Variants in DCC observed in about 807,000 individuals in gnomAD.
DCC encodes the protein DCC netrin 1 receptor.
DCC carries 58 observed loss-of-function variants against 172.5 expected under a neutral mutation model. The ratio of observed to expected loss-of-function variants is 0.34; its 90% CI spans 0.27 to 0.42. The LOEUF is 0.42. Among genes scored for constraint, DCC ranks in the 10% least tolerant of loss-of-function variants. DCC has a pLI of 1.00. For synonymous variants in DCC, 709 were observed against 644.5 expected, an observed-to-expected ratio of 1.10 and a Z score of -1.52; for missense variants, 1,740 against 1,791.0, an observed-to-expected ratio of 0.97 and a Z score of 0.51.
intron 2 of DCC, among the ~76,000 whole-genome samples, chr18:52,901,147 C>T (rs78577444): frequency 6.6e-5 from 10 of 152,008 alleles, no homozygotes; most frequent in Admixed American, 2.0e-4. Context: ...AAATAACCAT[C>T]ATGGGCTGTG....
At chr18:53,437,204 C>T (rs1464347386) in intron 22 of DCC, among the ~76,000 whole-genome samples, 2 of 152,056 alleles carry the variant, frequency 1.3e-5, no homozygotes, top group Non-Finnish European at 2.9e-5. Context: ...CATGACTGTC[C>T]CTGGTAGGTA....
Position 53,292,458 on chromosome 18 carries a change from G to A in DCC, c.1912-13120G>A, listed in dbSNP as rs531933654. ...TCCCAGCACTTTGGGAGGCCAAGGC[G>A]GGCAGATCACCTGAGGTCAGAAGTT... is the stretch of plus-strand genomic sequence containing the variant. On this transcript the variant is annotated intron_variant, in intron 12 of 28. Coordinates refer to ENST00000442544, the MANE Select transcript of DCC (RefSeq NM_005215.4). 1.1e-4 allele frequency among the ~76,000 whole-genome samples: 16 copies of A among 152,192 alleles called. No homozygotes were observed. In the East Asian group the frequency reaches 1.4e-3, roughly 13 times the overall value.
chr18:52,751,343 G>A (rs145647112), intron 1 of DCC, among the ~76,000 whole-genome samples: 154 of 152,212 alleles, frequency 1.0e-3, no homozygotes, highest in Non-Finnish European at 1.6e-3. Context: ...ATTCTTAAAT[G>A]AATTTCTATT....
intron 2 of DCC, among the ~76,000 whole-genome samples, chr18:52,817,705 C>T (rs2038327003): frequency 6.6e-6 from 1 of 151,672 alleles, no homozygotes; most frequent in Admixed American, 6.6e-5. Flanking sequence ...ACATAGACAC[C>T]CACATATTTC....
intron 1 of DCC, among the ~76,000 whole-genome samples, chr18:52,725,600 T>C (rs760880649): frequency 2.6e-5 from 4 of 152,110 alleles, no homozygotes; most frequent in South Asian, 2.1e-4. Context: ...AAATACCATG[T>C]CTTGGTTTGT....
In DCC at chr18:52,921,750, G is replaced by A. The variant is rs141911728; in HGVS notation, c.698-1957G>A. On this transcript the variant is annotated intron_variant, in intron 3 of 28. Coordinates refer to ENST00000442544, the MANE Select transcript of DCC (RefSeq NM_005215.4). ...ATATATATAAATGAAAGGAAAAAGT[G>A]TCCCTTCCATGGGTAAATTAGTAGC... Among the ~76,000 whole-genome samples, 649 of 150,714 alleles carry A rather than the reference G, an allele frequency of 4.3e-3. 8 individuals carry two copies. Among genetic ancestry groups the A allele is most frequent in the African/African-American group, 0.014 (582 of 41,216 alleles).
chr18:53,438,765 G>A (rs1018503681), intron 22 of DCC, among the ~76,000 whole-genome samples: 1 of 152,178 alleles, frequency 6.6e-6, no homozygotes, highest in African/African-American at 2.4e-5. Flanking sequence ...GATGTTAGAA[G>A]AAGAGAAAGA....
intron 7 of DCC, among the ~76,000 whole-genome samples, chr18:53,080,571 A>G (rs2042785872): frequency 1.3e-5 from 2 of 152,170 alleles, no homozygotes; most frequent in African/African-American, 4.8e-5. Context: ...CAAAATAGGC[A>G]AAACTAGTAG....
intron 7 of DCC, among the ~76,000 whole-genome samples, chr18:53,115,384 A>G (rs1439863743): frequency 6.6e-6 from 1 of 151,514 alleles, no homozygotes. Flanking sequence ...TGTTTTACCT[A>G]GCATATTAAA....
chr18:52,379,633 TG>T (rs779961654), intron 1 of DCC, among the ~76,000 whole-genome samples: 1 of 152,202 alleles, frequency 6.6e-6, no homozygotes, highest in Non-Finnish European at 1.5e-5. Context: ...TAGTAATTTT[TG>T]TTATTTTTCT....
At chr18:53,491,207 A>G (rs1340829974) in intron 26 of DCC, among the ~76,000 whole-genome samples, 2 of 152,174 alleles carry the variant, frequency 1.3e-5, no homozygotes, top group Admixed American at 1.3e-4. Flanking sequence ...GATGCTGATG[A>G]GGAGCAATGG....
chr18:52,616,265 AT>A (rs11366294), intron 1 of DCC, among the ~76,000 whole-genome samples: 9,178 of 150,178 alleles, frequency 0.061, 389 homozygotes, highest in South Asian at 0.15. Flanking sequence ...CTTTTGGTTA[AT>A]TTTTTTTTTC....
At chr18:53,223,659 G>C (rs187923264) in intron 12 of DCC, among the ~76,000 whole-genome samples, 56 of 152,204 alleles carry the variant, frequency 3.7e-4, no homozygotes, top group Non-Finnish European at 6.6e-4. Flanking sequence ...CCTACCAGTA[G>C]GTAAAAGCAG....
chr18:53,294,931 T>C (rs989423489), intron 12 of DCC, among the ~76,000 whole-genome samples: 7 of 152,192 alleles, frequency 4.6e-5, no homozygotes, highest in Non-Finnish European at 8.8e-5. Flanking sequence ...AATGTATTGA[T>C]GAAGAAATGT....
rs1037423371 is a variant in DCC, at chr18:52,849,401, A to AT, written c.413-56641dup. Among the ~76,000 whole-genome samples the AT allele has an allele frequency of 7.3e-4, 111 of 152,296 alleles. 1 individual carries two copies. Among genetic ancestry groups the AT allele is most frequent in the African/African-American group, 2.5e-3 (104 of 41,572 alleles). ...ACAAACCTTGCCAACAGTGGATGGA[A>AT]TTGATCAGTTTTGTTTCTCCTTCTC... On this transcript the variant is annotated intron_variant, in intron 2 of 28. Coordinates refer to ENST00000442544, the MANE Select transcript of DCC (RefSeq NM_005215.4).
intron 21 of DCC, among the ~76,000 whole-genome samples, chr18:53,425,126 A>G (rs1245251047): frequency 6.7e-6 from 1 of 149,808 alleles, no homozygotes; most frequent in African/African-American, 2.5e-5. Context: ...CTTTTTAACC[A>G]CTTCTGTTGT....
At chr18:52,889,438 C>T (rs562636017) in intron 2 of DCC, among the ~76,000 whole-genome samples, 1 of 152,034 alleles carries the variant, frequency 6.6e-6, no homozygotes, top group Non-Finnish European at 1.5e-5. Context: ...ATGTGCTGTG[C>T]TGGGCTGAGA....
chr18:52,950,331 C>T (rs535633958), intron 5 of DCC, among the ~76,000 whole-genome samples: 1 of 152,154 alleles, frequency 6.6e-6, no homozygotes, highest in Non-Finnish European at 1.5e-5. Flanking sequence ...TTTTCCCATC[C>T]TGGGTGTGTC....
intron 7 of DCC, among the ~76,000 whole-genome samples, chr18:53,105,306 A>G (rs186271283): frequency 1.6e-4 from 25 of 151,914 alleles, no homozygotes; most frequent in Non-Finnish European, 3.1e-4. Context: ...GTGGCAGACT[A>G]CTCTTGTTGG....
Sources: allele counts gnomAD v4.1 joint callset (sites outside exome capture counted in the v4.1 genomes callset), GRCh38; gene constraint gnomAD v4.1.1; transcripts MANE v1.5; gene names NCBI Gene and HGNC (gene_info 2026-07-23, HGNC 2026-07-21).